Variants in ERBB4 observed in about 807,000 individuals in gnomAD.
The protein encoded by ERBB4 is erb-b2 receptor tyrosine kinase 4.
ERBB4 carries 42 observed loss-of-function variants against 158.0 expected under a neutral mutation model. The ratio of observed to expected loss-of-function variants is 0.27; its 90% CI spans 0.21 to 0.34. The LOEUF (loss-of-function observed/expected upper bound fraction) is 0.34. ERBB4 is among the 10% of genes least tolerant of loss of function. The pLI, the probability that ERBB4 is intolerant of heterozygous loss-of-function variation, is 1.00. For missense variants in ERBB4, 1,333 were observed against 1,624.1 expected, an observed-to-expected ratio of 0.82 and a Z score of 3.08; for synonymous variants, 583 against 558.7, an observed-to-expected ratio of 1.04 and a Z score of -0.61.
intron 3 of ERBB4, among the ~76,000 whole-genome samples, chr2:211,837,260 C>A (rs11896360): frequency 0.018 from 2,755 of 152,026 alleles, 84 homozygotes; most frequent in African/African-American, 0.063. Context: ...AGAGTTTCCA[C>A]CAAAGTGCTC....
At chr2:211,855,449 T>G (rs1321691445) in intron 3 of ERBB4, among the ~76,000 whole-genome samples, 1 of 152,092 alleles carries the variant, frequency 6.6e-6, no homozygotes, top group African/African-American at 2.4e-5. Context: ...CCTCTAAAAG[T>G]TTTTTACCTT....
chr2:211,406,727 T>C (rs974818100), intron 25 of ERBB4, among the ~76,000 whole-genome samples: 1 of 151,890 alleles, frequency 6.6e-6, no homozygotes, highest in African/African-American at 2.4e-5. Flanking sequence ...TAGTTAGTAG[T>C]AGATAGATAA....
In ERBB4 at chr2:211,487,449, GT is replaced by G. The variant is rs2065235992; in HGVS notation, c.2488-56350del. Among the ~76,000 whole-genome samples, 3 of 151,900 alleles carry G rather than the reference GT, an allele frequency of 2.0e-5. 1 individual carries two copies. In the South Asian group the frequency reaches 6.2e-4, roughly 32 times the overall value. On this transcript the variant is annotated intron_variant, in intron 20 of 27. Coordinates refer to ENST00000342788, the MANE Select transcript of ERBB4 (RefSeq NM_005235.3). ...ATACCAAACTGTTTTGGTCAACTTT[GT>G]TTTTTAACTGAATTAACTATTAATA...
intron 19 of ERBB4, among the ~76,000 whole-genome samples, chr2:211,592,125 A>C (rs2125794124): frequency 6.6e-6 from 1 of 152,330 alleles, no homozygotes; most frequent in East Asian, 1.9e-4. Flanking sequence ...GTTACAGGGA[A>C]GTAAACAGTT....
intron 1 of ERBB4, among the ~76,000 whole-genome samples, chr2:212,172,778 G>T (rs2081557473): frequency 6.6e-6 from 1 of 152,000 alleles, no homozygotes; most frequent in South Asian, 2.1e-4. Context: ...ACTGGGGCTT[G>T]TGGGAGGGTT....
At chr2:211,667,095 C>CA (rs5838274) in intron 14 of ERBB4, among the ~76,000 whole-genome samples, 174 of 141,166 alleles carry the variant, frequency 1.2e-3, no homozygotes, top group Admixed American at 2.1e-3. Flanking sequence ...CCTGATGAGC[C>CA]AAAAAAAAAA....
At chr2:211,652,154 A>C (rs2071011260) in intron 16 of ERBB4, among the ~76,000 whole-genome samples, 1 of 152,132 alleles carries the variant, frequency 6.6e-6, no homozygotes, top group African/African-American at 2.4e-5. Context: ...TATGAACAGT[A>C]ATTAACAACT....
At chr2:211,862,763 A>C (rs1234292083) in intron 3 of ERBB4, among the ~76,000 whole-genome samples, 1 of 152,244 alleles carries the variant, frequency 6.6e-6, no homozygotes, top group Non-Finnish European at 1.5e-5. Context: ...TCTAAAAATA[A>C]AGTGTGAGTA....
chr2:212,288,918 T>C (rs1238412564), intron 1 of ERBB4, among the ~76,000 whole-genome samples: 1 of 152,046 alleles, frequency 6.6e-6, no homozygotes, highest in East Asian at 1.9e-4. Flanking sequence ...AGATGTTATA[T>C]ATTAAAAGAA....
At chr2:211,946,576 C>CTCTTTTTTT (rs1469968699) in intron 3 of ERBB4, among the ~76,000 whole-genome samples, 7 of 49,586 alleles carry the variant, frequency 1.4e-4, no homozygotes, top group East Asian at 1.5e-3. Context: ...AATTAGCTCT[C>CTCTTTTTTT]TTTTTTTTTT....
chr2:212,222,795 G>A (rs1043337047), intron 1 of ERBB4, among the ~76,000 whole-genome samples: 1 of 151,358 alleles, frequency 6.6e-6, no homozygotes, highest in Admixed American at 6.6e-5. Flanking sequence ...GGGTTGTTAC[G>A]TGTTTAATGT....
chr2:212,442,614 T>C (rs1283832260), intron 1 of ERBB4, among the ~76,000 whole-genome samples: 1 of 151,894 alleles, frequency 6.6e-6, no homozygotes, highest in African/African-American at 2.4e-5. Flanking sequence ...TAGGTCCTAC[T>C]TACAGTGGGT....
intron 2 of ERBB4, among the ~76,000 whole-genome samples, chr2:212,042,271 C>G (rs115306643): frequency 6.6e-6 from 1 of 152,048 alleles, no homozygotes; most frequent in Non-Finnish European, 1.5e-5. Flanking sequence ...ACCTTGCAGG[C>G]GCTTTCCTTT....
chr2:212,236,648 G>A (rs1269189740), intron 1 of ERBB4, among the ~76,000 whole-genome samples: 1 of 152,148 alleles, frequency 6.6e-6, no homozygotes. Context: ...TTCAGAACTT[G>A]TTATCAGTCT....
chr2:212,330,594 C>G (rs2088090249), intron 1 of ERBB4, among the ~76,000 whole-genome samples: 1 of 151,938 alleles, frequency 6.6e-6, no homozygotes, highest in Non-Finnish European at 1.5e-5. Flanking sequence ...GCCTGGGTGA[C>G]AGAGTAAGAC....
At chr2:211,771,306 A>AT (rs58907910) in intron 4 of ERBB4, among the ~76,000 whole-genome samples, 22,315 of 152,056 alleles carry the variant, frequency 0.15, 1,846 homozygotes, top group South Asian at 0.33. Flanking sequence ...TTCATGTAAT[A>AT]TTTTTTCTTC....
chr2:212,045,689 A>G (rs1300589317), intron 2 of ERBB4, among the ~76,000 whole-genome samples: 1 of 152,184 alleles, frequency 6.6e-6, no homozygotes, highest in Non-Finnish European at 1.5e-5. Context: ...CTTAAGGCTG[A>G]TAGATGAACC....
At chr2:212,314,053 C>A (rs972402514) in intron 1 of ERBB4, among the ~76,000 whole-genome samples, 10 of 151,128 alleles carry the variant, frequency 6.6e-5, no homozygotes, top group African/African-American at 2.2e-4. Context: ...CAGAGGTCTT[C>A]TCGCTAAAAT....
Position 212,152,510 on chromosome 2 carries a change from A to G in ERBB4, c.83-27607T>C, listed in dbSNP as rs150547612. 2.6e-3 allele frequency among the ~76,000 whole-genome samples: 402 copies of G among 152,176 alleles called. 1 individual carries two copies. The highest frequency in any genetic ancestry group is 8.9e-3 in the African/African-American group (369 of 41,514). ...TACAATTCTTCTTTGCGACTCTACCATAGTCAGCCATTTAAATATTTGCTT... is the reference window on the plus strand; with the variant it reads ...TACAATTCTTCTTTGCGACTCTACCGTAGTCAGCCATTTAAATATTTGCTT... On this transcript the variant is annotated intron_variant, in intron 1 of 27. Coordinates refer to ENST00000342788, the MANE Select transcript of ERBB4 (RefSeq NM_005235.3).
Sources: allele counts gnomAD v4.1 joint callset (sites outside exome capture counted in the v4.1 genomes callset), GRCh38; gene constraint gnomAD v4.1.1; transcripts MANE v1.5; gene names NCBI Gene and HGNC (gene_info 2026-07-23, HGNC 2026-07-21).